Variants in PCCB observed in about 807,000 individuals in gnomAD.
PCCB encodes the protein propionyl-CoA carboxylase beta chain, mitochondrial.
A neutral mutation model predicts 60.7 loss-of-function variants in PCCB; 43 were observed. That is an observed-to-expected ratio of 0.71 (90% confidence interval 0.55 to 0.91). The LOEUF is 0.91. Ranked by LOEUF, PCCB falls within the 40% of genes least tolerant of loss-of-function variation. PCCB has a pLI of 0.00. For synonymous variants in PCCB, 276 were observed against 255.9 expected, an observed-to-expected ratio of 1.08 and a Z score of -0.75; for missense variants, 766 against 702.8, an observed-to-expected ratio of 1.09 and a Z score of -1.02.
At chr3:136,315,481 C>T (rs1204365301) in intron 9 of PCCB, among the ~76,000 whole-genome samples, 7 of 152,022 alleles carry the variant, frequency 4.6e-5, no homozygotes, top group African/African-American at 1.5e-4. Context: ...GAGCCGAGAT[C>T]GTGCCACTGC....
intron 2 of PCCB, 138 bp downstream of exon 2, chr3:136,256,113 T>C: frequency 7.5e-7 from 1 of 1,339,726 alleles, no homozygotes; most frequent in East Asian, 2.5e-5. Flanking sequence ...CAGATAATTT[T>C]TGTATTTTTA....
At chr3:136,308,289 T>C (rs1250220064) in intron 9 of PCCB, among the ~76,000 whole-genome samples, 3 of 149,112 alleles carry the variant, frequency 2.0e-5, no homozygotes, top group Non-Finnish European at 4.4e-5. Context: ...GCTGGAGTGC[T>C]GTGGCACAAT....
At position 136,329,899 on chromosome 3, in the gene PCCB, C is replaced by T. The variant is rs769854818; in HGVS notation, c.1499-6C>T. 2.4e-5 allele frequency: 39 copies of T among 1,614,002 alleles called. 1 individual carries two copies. The highest frequency in any genetic ancestry group is 1.9e-5 in the Non-Finnish European group (22 of 1,179,982). ...ATGATCCACTCCCTTTTCTGTGCTT[C>T]ACCAGGGTTTGTGGATGACATCATC... On this transcript the variant is annotated splice_region_variant and splice_polypyrimidine_tract_variant and intron_variant, in intron 14 of 14. Coordinates refer to ENST00000251654, the MANE Select transcript of PCCB (RefSeq NM_000532.5).
At chr3:136,322,034 G>A (rs1935127703) in intron 10 of PCCB, among the ~76,000 whole-genome samples, 1 of 152,160 alleles carries the variant, frequency 6.6e-6, no homozygotes, top group Non-Finnish European at 1.5e-5. Flanking sequence ...TAGTGGTGAG[G>A]GGACATTTGG....
In PCCB at chr3:136,293,676, CA is replaced by C. The variant is rs1933803174; in HGVS notation, c.655-79del. On this transcript the variant is annotated intron_variant, in intron 6 of 14. Coordinates refer to ENST00000251654, the MANE Select transcript of PCCB (RefSeq NM_000532.5). ...ACGTCACTATCTTCTCTGCATTTGT[CA>C]TCTTGGCTGAATCAACTCTAAGGCT... 1.5e-5 allele frequency: 13 copies of C among 880,714 alleles called. No homozygotes were observed. The South Asian group carries it at 1.6e-4, about 11-fold the overall frequency. 54.6% of individuals were successfully genotyped at this position (880,714 alleles called of 1,614,324 possible).
intron 8 of PCCB, among the ~76,000 whole-genome samples, chr3:136,300,026 C>G (rs1356572280): frequency 6.6e-6 from 1 of 151,526 alleles, no homozygotes; most frequent in African/African-American, 2.4e-5. Flanking sequence ...GTGTACACGC[C>G]CACACATGCA....
chr3:136,259,430 A>C (rs1157158750), intron 3 of PCCB, among the ~76,000 whole-genome samples: 1 of 152,172 alleles, frequency 6.6e-6, no homozygotes, highest in Admixed American at 6.6e-5. Flanking sequence ...ACGCCACTGC[A>C]CTCCAGCCTG....
In PCCB at chr3:136,256,605, G is replaced by A. The variant is rs1275132842; in HGVS notation, c.354G>A (p.Leu118=). ...VTGRGRINGR[L]VYVFSQDFTV... is the part of the protein sequence containing the mutation. The stretch of plus-strand genomic sequence containing the variant: ...GACGAGGCCGAATCAATGGAAGATT[G>A]GTTTATGTCTTCAGTCAGGTATTTC... Residue 118 remains leucine (L), a synonymous_variant, in exon 3 of 15, where the codon TTG becomes TTA. Transcript: ENST00000251654. 1 of 1,611,584 alleles carries A rather than the reference G, an allele frequency of 6.2e-7. No individual in the cohort carries two copies. The highest frequency in any genetic ancestry group is 8.5e-7 in the Non-Finnish European group (1 of 1,177,848).
At chr3:136,310,664 G>A (rs1025193356) in intron 9 of PCCB, among the ~76,000 whole-genome samples, 2 of 152,150 alleles carry the variant, frequency 1.3e-5, no homozygotes, top group Admixed American at 6.5e-5. Context: ...TTTTTTAAAA[G>A]AAGTATGATA....
Position 136,302,477 on chromosome 3 carries a change from T to C in PCCB, c.966+1366T>C, listed in dbSNP as rs145660790. On this transcript the variant is annotated intron_variant, in intron 9 of 14. Coordinates refer to ENST00000251654, the MANE Select transcript of PCCB (RefSeq NM_000532.5). Reference sequence around the variant, plus strand: ...AACTCTTGATTCTCATTATAAAGTTTTATATCCTGCTACCTATTAAATACT... The same window carrying C: ...AACTCTTGATTCTCATTATAAAGTTCTATATCCTGCTACCTATTAAATACT... Among the ~76,000 whole-genome samples the C allele has an allele frequency of 5.6e-3, 676 of 121,792 alleles. 58 individuals are homozygous for C. Among genetic ancestry groups the C allele is most frequent in the African/African-American group, 0.016 (642 of 40,144 alleles). The allele number at this position is 121,792 out of a possible 152,430, so 79.9% of individuals were successfully genotyped here.
At chr3:136,268,791 C>A (rs977220708) in intron 5 of PCCB, among the ~76,000 whole-genome samples, 3 of 152,014 alleles carry the variant, frequency 2.0e-5, no homozygotes, top group African/African-American at 7.2e-5. Flanking sequence ...TACAAAAATG[C>A]CTGCTGAGAT....
intron 5 of PCCB, among the ~76,000 whole-genome samples, chr3:136,270,889 T>G (rs906230283): frequency 2.6e-5 from 4 of 152,154 alleles, no homozygotes; most frequent in African/African-American, 7.2e-5. Context: ...TTCCTGATAG[T>G]GATGTGAGCA....
At position 136,301,129 on chromosome 3, in the gene PCCB, T is replaced by A; in HGVS notation, c.966+18T>A. 1 of 1,595,426 alleles carries A rather than the reference T, an allele frequency of 6.3e-7. No homozygotes were observed. Among genetic ancestry groups the A allele is most frequent in the Non-Finnish European group, 8.6e-7 (1 of 1,162,868 alleles). ...TACACTCTGTAAGTGCCACATCTGT[T>A]TGTCTTGCCTGTCCTAGTCAGCCAC... On this transcript the variant is annotated intron_variant, in intron 9 of 14. Coordinates refer to ENST00000251654, the MANE Select transcript of PCCB (RefSeq NM_000532.5).
chr3:136,254,518 CTTTTTTTTTTTTTTTTTT>C (rs3994953), intron 1 of PCCB, among the ~76,000 whole-genome samples: 1 of 45,928 alleles, frequency 2.2e-5, no homozygotes, highest in Admixed American at 3.8e-4. Flanking sequence ...CTGCGGCTAG[CTTTTTTTTTTTTTTTTTT>C]TTTTTTTTTT....
At chr3:136,314,857 C>G (rs1471787098) in intron 9 of PCCB, among the ~76,000 whole-genome samples, 1 of 152,072 alleles carries the variant, frequency 6.6e-6, no homozygotes. Context: ...TCACAAAATT[C>G]TTATTAAATT....
intron 5 of PCCB, among the ~76,000 whole-genome samples, chr3:136,269,232 CT>C (rs1942120747): frequency 6.6e-6 from 1 of 152,106 alleles, no homozygotes. Flanking sequence ...AGACTCCAGC[CT>C]GGGTGACAGA....
intron 1 of PCCB, among the ~76,000 whole-genome samples, chr3:136,252,913 T>C (rs1171024460): frequency 6.6e-6 from 1 of 151,496 alleles, no homozygotes; most frequent in Non-Finnish European, 1.5e-5. Context: ...GTTTTGTTTT[T>C]TTTTTTTTAA....
chr3:136,261,244 A>T (rs1306455137), intron 4 of PCCB, among the ~76,000 whole-genome samples: 3 of 152,188 alleles, frequency 2.0e-5, no homozygotes, highest in Non-Finnish European at 4.4e-5. Context: ...GAGGAATAAA[A>T]CTATAAATAA....
rs142093462 is a variant in PCCB at position 136,307,977 on chromosome 3, A to AAATAATAAT, written c.966+6883_966+6891dup. Among the ~76,000 whole-genome samples, 1,275 of 150,338 alleles carry AAATAATAAT rather than the reference A, an allele frequency of 8.5e-3. 17 individuals carry two copies. The highest frequency in any genetic ancestry group is 0.035 in the East Asian group (180 of 5,148). ...GCAACAAGAGTGAAACTCCATCTCA[A>AAATAATAAT]AATAATAATAATAATAATAATAATA... On this transcript the variant is annotated intron_variant, in intron 9 of 14. Transcript: ENST00000251654.
Sources: allele counts gnomAD v4.1 joint callset (sites outside exome capture counted in the v4.1 genomes callset), GRCh38; gene constraint gnomAD v4.1.1; transcripts MANE v1.5; gene names NCBI Gene and HGNC (gene_info 2026-07-23, HGNC 2026-07-21).